OTOA: variants seen among roughly 807,000 people sequenced by gnomAD.
OTOA encodes otoancorin, also known as cancer/testis antigen 108.
In OTOA, 70 loss-of-function variants were observed where a neutral mutation model predicts 110.8. That is an observed-to-expected ratio of 0.63 (90% confidence interval 0.52 to 0.77). The LOEUF is 0.77. Among genes scored for constraint, OTOA ranks in the 30% least tolerant of loss-of-function variants. The pLI, the probability that OTOA is intolerant of heterozygous loss-of-function variation, is 0.00. For missense variants in OTOA, 917 were observed against 1,075.8 expected (o/e 0.85, Z 2.06); for synonymous variants, 373 against 431.5 (o/e 0.86, Z 1.68).
At chr16:21,708,004 G>A (rs1157801203) in intron 12 of OTOA, among the ~76,000 whole-genome samples, 2 of 151,854 alleles carry the variant, frequency 1.3e-5, no homozygotes, top group East Asian at 3.9e-4. Flanking sequence ...ATGTGGCCAG[G>A]ATGATCTCAT....
intron 1 of OTOA, among the ~76,000 whole-genome samples, chr16:21,668,263 C>T (rs1336804534): frequency 7.2e-5 from 11 of 151,974 alleles, no homozygotes; most frequent in Non-Finnish European, 2.9e-5. Context: ...TGTGCATCAC[C>T]ACGCCAGGCT....
chr16:21,749,040 G>A (rs1298191979), intron 24 of OTOA: 2 of 142,760 alleles, frequency 1.4e-5, no homozygotes, highest in African/African-American at 5.0e-5. Context: ...GGAATAGTGG[G>A]AAGAAGGGCT....
chr16:21,711,362 C>T (rs943229259), intron 13 of OTOA, among the ~76,000 whole-genome samples: 1 of 152,170 alleles, frequency 6.6e-6, no homozygotes, highest in East Asian at 1.9e-4. Flanking sequence ...TCTTGCTGCT[C>T]CTGGGGTGGA....
intron 7 of OTOA, among the ~76,000 whole-genome samples, chr16:21,685,713 C>T (rs1172205171): frequency 2.0e-5 from 3 of 152,090 alleles, no homozygotes; most frequent in Non-Finnish European, 2.9e-5. Flanking sequence ...CAAGTGTGCA[C>T]CACCATGCCT....
At chr16:21,680,853 CAA>C (rs1229330756) in intron 5 of OTOA, among the ~76,000 whole-genome samples, 31 of 70,778 alleles carry the variant, frequency 4.4e-4, no homozygotes, top group Non-Finnish European at 3.6e-4. Flanking sequence ...ACTCTGTCTC[CAA>C]AAAAAAAAAA....
intron 8 of OTOA, among the ~76,000 whole-genome samples, chr16:21,688,581 C>T (rs1897765588): frequency 6.6e-6 from 1 of 152,046 alleles, no homozygotes; most frequent in African/African-American, 2.4e-5. Context: ...TCTCATGGTT[C>T]TGGAGGCTGG....
At chr16:21,683,325 A>G (rs796337413) in intron 6 of OTOA, among the ~76,000 whole-genome samples, 4 of 152,332 alleles carry the variant, frequency 2.6e-5, no homozygotes, top group African/African-American at 7.2e-5. Flanking sequence ...CTATGTGGTA[A>G]GTCCTTTTAT....
At chr16:21,679,613 C>T (rs1966873823) in intron 5 of OTOA, among the ~76,000 whole-genome samples, 1 of 152,086 alleles carries the variant, frequency 6.6e-6, no homozygotes, top group African/African-American at 2.4e-5. Flanking sequence ...CCATGTTGGC[C>T]AGGCTGGTCT....
chr16:21,749,060 GAA>G (rs1303346322), intron 24 of OTOA: 1 of 140,666 alleles, frequency 7.1e-6, no homozygotes, highest in African/African-American at 2.5e-5. Flanking sequence ...TGTTTGAGAT[GAA>G]AGAGTCCAGA....
chr16:21,679,695 G>A (rs199526273), intron 5 of OTOA, among the ~76,000 whole-genome samples: 7 of 152,248 alleles, frequency 4.6e-5, no homozygotes, highest in East Asian at 1.9e-4. Context: ...GTGAGCCACC[G>A]CAACCGGCCT....
chr16:21,667,248 G>T (rs571116367), intron 1 of OTOA, among the ~76,000 whole-genome samples: 1 of 152,328 alleles, frequency 6.6e-6, no homozygotes, highest in South Asian at 2.1e-4. Context: ...TTTGTCCTGG[G>T]CAGTAAAGTA....
chr16:21,714,311 T>G (rs991576671), intron 13 of OTOA, among the ~76,000 whole-genome samples: 1 of 130,794 alleles, frequency 7.6e-6, no homozygotes, highest in Admixed American at 7.9e-5. Context: ...CTTCCTTCCT[T>G]CCTTCCTTCC....
intron 13 of OTOA, among the ~76,000 whole-genome samples, chr16:21,714,309 C>CTTCT (rs1898458508): frequency 8.7e-6 from 1 of 115,448 alleles, no homozygotes. Flanking sequence ...TTCTTCCTTC[C>CTTCT]TTCCTTCCTT....
intron 6 of OTOA, chr16:21,684,435 T>C: frequency 1.3e-6 from 2 of 1,535,482 alleles, no homozygotes; most frequent in Non-Finnish European, 1.8e-6. Context: ...TCATTTCGCC[T>C]GTATTTTGCT....
At chr16:21,688,660 C>G (rs1305232062) in intron 8 of OTOA, among the ~76,000 whole-genome samples, 1 of 152,092 alleles carries the variant, frequency 6.6e-6, no homozygotes, top group Admixed American at 6.6e-5. Context: ...TTATAGGTGG[C>G]ACCTTCTCGC....
chr16:21,701,629 A>AT (rs1218107695), intron 11 of OTOA, among the ~76,000 whole-genome samples: 2 of 151,852 alleles, frequency 1.3e-5, no homozygotes, highest in Admixed American at 6.6e-5. Context: ...TTATTTATTT[A>AT]TTTTTTTGAG....
chr16:21,680,397 C>T (rs2141654196), intron 5 of OTOA, among the ~76,000 whole-genome samples: 1 of 152,102 alleles, frequency 6.6e-6, no homozygotes, highest in South Asian at 2.1e-4. Flanking sequence ...ACCTGTAGTC[C>T]CAGCTACTCA....
chr16:21,689,383 T>A lies in OTOA; in HGVS notation c.635+1735T>A, dbSNP rs551195830. On this transcript the variant is annotated intron_variant, in intron 8 of 28. Coordinates refer to ENST00000646100, the MANE Select transcript of OTOA (RefSeq NM_144672.4). ...TTTGCTCTGCAGGCTATTATACTAT[T>A]CCTTTTAAATTCAGCATCTCTTCCC... 2.0e-5 allele frequency among the ~76,000 whole-genome samples: 3 copies of A among 152,294 alleles called. No homozygotes were observed. The South Asian group carries it at 6.2e-4, about 32-fold the overall frequency.
intron 17 of OTOA, among the ~76,000 whole-genome samples, chr16:21,720,801 A>G (rs1898706343): frequency 6.6e-6 from 1 of 152,202 alleles, no homozygotes; most frequent in Non-Finnish European, 1.5e-5. Flanking sequence ...GAGTTGCCCC[A>G]GTGAAGGTGC....
Sources: gnomAD v4.1 joint callset for allele counts (sites outside exome capture counted in the v4.1 genomes callset) on GRCh38, gnomAD v4.1.1 for gene constraint, MANE v1.5 for transcripts, NCBI Gene and HGNC (gene_info 2026-07-23, HGNC 2026-07-21) for gene names.